The following ADGRL3 variants were observed in gnomAD, a reference collection of about 807,000 sequenced individuals.
The protein encoded by ADGRL3 is calcium-independent alpha-latrotoxin receptor 3.
ADGRL3 carries 62 observed loss-of-function variants against 153.5 expected under a neutral mutation model. That is an observed-to-expected ratio of 0.40 (90% confidence interval 0.33 to 0.50). ADGRL3 has a LOEUF of 0.50. Among genes scored for constraint, ADGRL3 ranks in the 20% least tolerant of loss-of-function variants. ADGRL3 has a pLI of 0.47. For synonymous variants in ADGRL3, 710 were observed against 672.5 expected (o/e 1.06, Z -0.86); for missense variants, 1,641 against 1,859.4 (o/e 0.88, Z 2.16).
intron 8 of ADGRL3, among the ~76,000 whole-genome samples, chr4:61,803,331 TC>T (rs939589030): frequency 5.3e-5 from 8 of 152,268 alleles, no homozygotes; most frequent in Non-Finnish European, 1.2e-4. Flanking sequence ...CTTCCACTTT[TC>T]CCCATTTCAA....
chr4:61,543,604 C>A (rs1579436721), intron 4 of ADGRL3, among the ~76,000 whole-genome samples: 3 of 152,140 alleles, frequency 2.0e-5, no homozygotes, highest in African/African-American at 7.2e-5. Flanking sequence ...TTAATACATT[C>A]TCTTCTTCCA....
intron 5 of ADGRL3, among the ~76,000 whole-genome samples, chr4:61,658,670 G>A (rs1296291555): frequency 2.0e-5 from 3 of 152,064 alleles, no homozygotes; most frequent in Admixed American, 6.6e-5. Flanking sequence ...TAATCTAAGA[G>A]CACAATGACC....
chr4:61,302,228 G>A (rs2150360475), intron 1 of ADGRL3, among the ~76,000 whole-genome samples: 1 of 152,162 alleles, frequency 6.6e-6, no homozygotes, highest in Middle Eastern at 3.4e-3. Flanking sequence ...GTGATGATGG[G>A]CAATAATAGA....
In ADGRL3 at chr4:61,608,711, A is replaced by C. The variant is rs143022022; in HGVS notation, c.473+21271A>C. ...CTGTTTTCTTTTTTGGGACACTATA[A>C]GGTCATAGACACATGGAATTTACTA... On this transcript the variant is annotated intron_variant, in intron 5 of 26. Coordinates refer to ENST00000683033, the MANE Select transcript of ADGRL3 (RefSeq NM_001387552.1). Among the ~76,000 whole-genome samples, 18 of 152,298 alleles carry C rather than the reference A, an allele frequency of 1.2e-4. 1 individual carries two copies. The highest frequency in any genetic ancestry group is 7.2e-4 in the Admixed American group (11 of 15,300).
At chr4:61,255,562 A>G (rs2091883072) in intron 1 of ADGRL3, among the ~76,000 whole-genome samples, 1 of 152,056 alleles carries the variant, frequency 6.6e-6, no homozygotes, top group Admixed American at 6.5e-5. Flanking sequence ...AGAAGGAGAC[A>G]TGTAATTATT....
chr4:61,465,836 T>C (rs1341347469), intron 2 of ADGRL3, among the ~76,000 whole-genome samples: 2 of 149,018 alleles, frequency 1.3e-5, no homozygotes, highest in Non-Finnish European at 3.0e-5. Flanking sequence ...ATAATCCAAC[T>C]CATGGCTGGG....
chr4:61,859,003 AG>A (rs2098311505), intron 9 of ADGRL3, among the ~76,000 whole-genome samples: 1 of 152,228 alleles, frequency 6.6e-6, no homozygotes, highest in African/African-American at 2.4e-5. Context: ...GAGATTTGGG[AG>A]GAAAAACAAA....
chr4:62,010,173 C>T (rs2099178380), intron 21 of ADGRL3, among the ~76,000 whole-genome samples: 1 of 152,200 alleles, frequency 6.6e-6, no homozygotes, highest in South Asian at 2.1e-4. Flanking sequence ...CTATCTCCAG[C>T]CCCCGTTTTT....
chr4:61,438,729 A>G (rs1000922525), intron 2 of ADGRL3, among the ~76,000 whole-genome samples: 1 of 132,976 alleles, frequency 7.5e-6, no homozygotes, highest in Non-Finnish European at 1.6e-5. Flanking sequence ...TTTTTTTTAG[A>G]CGGAGTCTCG....
At chr4:61,469,910 A>T (rs1018129167) in intron 2 of ADGRL3, among the ~76,000 whole-genome samples, 1 of 151,800 alleles carries the variant, frequency 6.6e-6, no homozygotes, top group African/African-American at 2.4e-5. Flanking sequence ...TAATTTTATT[A>T]TATTTAGTTT....
intron 6 of ADGRL3, among the ~76,000 whole-genome samples, chr4:61,716,499 G>A (rs1017823461): frequency 1.4e-4 from 22 of 152,110 alleles, no homozygotes; most frequent in African/African-American, 5.3e-4. Flanking sequence ...TTAGCTTGTA[G>A]CGAAATGAGT....
chr4:61,672,334 G>A (rs1214983653), intron 5 of ADGRL3, among the ~76,000 whole-genome samples: 1 of 151,886 alleles, frequency 6.6e-6, no homozygotes, highest in Non-Finnish European at 1.5e-5. Context: ...TGTATTCTTG[G>A]CACATTTGTT....
intron 2 of ADGRL3, among the ~76,000 whole-genome samples, chr4:61,457,671 A>G (rs1052727869): frequency 6.6e-6 from 1 of 151,904 alleles, no homozygotes; most frequent in East Asian, 1.9e-4. Flanking sequence ...TGAGACCTGA[A>G]CCAGCAGTTA....
intron 1 of ADGRL3, among the ~76,000 whole-genome samples, chr4:61,352,631 C>T (rs1358152228): frequency 4.6e-5 from 7 of 152,004 alleles, no homozygotes; most frequent in African/African-American, 1.4e-4. Context: ...GTGATCCACC[C>T]GCCTCGGCCT....
At chr4:61,511,271 C>T (rs933835650) in intron 3 of ADGRL3, among the ~76,000 whole-genome samples, 1 of 152,066 alleles carries the variant, frequency 6.6e-6, no homozygotes, top group African/African-American at 2.4e-5. Flanking sequence ...CGGGACGTTG[C>T]AGTAGGAGAA....
At chr4:61,281,031 A>G (rs754706768) in intron 1 of ADGRL3, among the ~76,000 whole-genome samples, 68 of 152,066 alleles carry the variant, frequency 4.5e-4, no homozygotes, top group Non-Finnish European at 7.8e-4. Flanking sequence ...TGCTTCAAGT[A>G]ATTTCTGGTA....
intron 8 of ADGRL3, among the ~76,000 whole-genome samples, chr4:61,783,067 G>T (rs1022325444): frequency 6.6e-6 from 1 of 152,118 alleles, no homozygotes; most frequent in Non-Finnish European, 1.5e-5. Flanking sequence ...ATTTCTATTG[G>T]TTCAGCATTA....
chr4:61,271,406 A>C (rs1299165353), intron 1 of ADGRL3, among the ~76,000 whole-genome samples: 1 of 151,962 alleles, frequency 6.6e-6, no homozygotes, highest in African/African-American at 2.4e-5. Flanking sequence ...AGTACTTTAG[A>C]CCTTAAATGG....
At chr4:61,797,267 T>C (rs2097426152) in intron 8 of ADGRL3, among the ~76,000 whole-genome samples, 1 of 152,204 alleles carries the variant, frequency 6.6e-6, no homozygotes, top group South Asian at 2.1e-4. Flanking sequence ...ATTCACATTT[T>C]ATTATGTATG....
Sources: gnomAD v4.1 joint callset for allele counts (sites outside exome capture counted in the v4.1 genomes callset) on GRCh38, gnomAD v4.1.1 for gene constraint, MANE v1.5 for transcripts, NCBI Gene and HGNC (gene_info 2026-07-23, HGNC 2026-07-21) for gene names.